APMAP: variants seen among roughly 807,000 people sequenced by gnomAD.
The protein encoded by APMAP is adipocyte plasma membrane associated protein.
A neutral mutation model predicts 43.6 loss-of-function variants in APMAP; 33 were observed. The observed-to-expected ratio is 0.76, with a 90% CI of 0.57 to 1.01. The LOEUF (loss-of-function observed/expected upper bound fraction) is 1.01, where lower values mean the gene tolerates loss of function less well. Among genes scored for constraint, APMAP ranks in the 50% least tolerant of loss-of-function variants. APMAP has a pLI of 0.00. For missense variants in APMAP, 498 were observed against 540.7 expected (o/e 0.92, Z 0.78); for synonymous variants, 224 against 216.7 (o/e 1.03, Z -0.30).
intron 3 of APMAP, among the ~76,000 whole-genome samples, chr20:24,976,790 C>T (rs1221660497): frequency 6.6e-6 from 1 of 152,226 alleles, no homozygotes; most frequent in African/African-American, 2.4e-5. Flanking sequence ...CCAAGATGTA[C>T]TTCAGTAGGT....
At chr20:24,971,409 G>C in intron 5 of APMAP, 51 bp downstream of exon 5, 13 of 1,494,370 alleles carry the variant, frequency 8.7e-6, no homozygotes, top group Non-Finnish European at 1.0e-5. Flanking sequence ...TACATATATT[G>C]TTTAAAAGAT....
In APMAP at chr20:24,966,887, G is replaced by T. The variant is rs981040794; in HGVS notation, c.1041+2005C>A. 3.3e-5 allele frequency among the ~76,000 whole-genome samples: 5 copies of T among 152,206 alleles called. No homozygotes were observed. In the South Asian group the frequency reaches 1.0e-3, roughly 31 times the overall value. On this transcript the variant is annotated intron_variant, in intron 8 of 8. Coordinates refer to ENST00000217456, the MANE Select transcript of APMAP (RefSeq NM_020531.3). ...GTGCCAAACACATGCTCAGGCATCT[G>T]CAGTGAGTGACAGGGCATTAGGCCA...
Position 24,963,668 on chromosome 20 carries a change from C to T in APMAP, c.*145G>A. The T allele has an allele frequency of 1.2e-6, 1 of 844,602 alleles. No homozygotes were observed. The allele number at this position is 844,602 out of a possible 1,614,324, so 52.3% of individuals were successfully genotyped here. On this transcript the variant is annotated 3_prime_UTR_variant, in exon 9 of 9. Coordinates refer to ENST00000217456, the MANE Select transcript of APMAP (RefSeq NM_020531.3). ...GCCCGGGCATCCTCGAGGAATGAAG[C>T]AGCCATTCCCACCACCTCTCAGGGA...
intron 8 of APMAP, among the ~76,000 whole-genome samples, chr20:24,966,810 C>T (rs1437134330): frequency 6.6e-6 from 1 of 152,136 alleles, no homozygotes; most frequent in African/African-American, 2.4e-5. Flanking sequence ...CGGACAGTCA[C>T]AGGGGAGCTG....
intron 8 of APMAP, 134 bp downstream of exon 8, chr20:24,968,758 A>G: frequency 1.2e-6 from 1 of 865,160 alleles, no homozygotes. Flanking sequence ...AGGATGAAGA[A>G]TGAAATGTGT....
At chr20:24,972,209 T>C (rs1261250314) in intron 4 of APMAP, among the ~76,000 whole-genome samples, 1 of 143,908 alleles carries the variant, frequency 6.9e-6, no homozygotes, top group African/African-American at 2.6e-5. Flanking sequence ...TGTGAGGTAC[T>C]CACTGCAGGT....
intron 1 of APMAP, among the ~76,000 whole-genome samples, chr20:24,989,893 G>A (rs1351537569): frequency 6.6e-6 from 1 of 152,134 alleles, no homozygotes; most frequent in African/African-American, 2.4e-5. Context: ...GAGGAAAAAG[G>A]AAAATGGACC....
At chr20:24,976,236 AG>A (rs1250955586) in intron 3 of APMAP, among the ~76,000 whole-genome samples, 1 of 152,244 alleles carries the variant, frequency 6.6e-6, no homozygotes, top group Non-Finnish European at 1.5e-5. Flanking sequence ...GCTCTACAGA[AG>A]ATACTGTCAA....
At chr20:24,986,183 T>C (rs866128190) in intron 1 of APMAP, among the ~76,000 whole-genome samples, 1 of 152,198 alleles carries the variant, frequency 6.6e-6, no homozygotes, top group Admixed American at 6.5e-5. Context: ...TCTGTGTCTA[T>C]TTTTCTTCTA....
chr20:24,975,364 C>A (rs2088042174), intron 3 of APMAP, among the ~76,000 whole-genome samples: 1 of 152,140 alleles, frequency 6.6e-6, no homozygotes, highest in Admixed American at 6.5e-5. Flanking sequence ...ATTGACTCAC[C>A]TTCCTTTATA....
chr20:24,966,619 A>T (rs535701368), intron 8 of APMAP, among the ~76,000 whole-genome samples: 2 of 152,340 alleles, frequency 1.3e-5, no homozygotes, highest in Admixed American at 6.5e-5. Flanking sequence ...GACACAGCTG[A>T]CCTGTACGCT....
Position 24,963,761 on chromosome 20 carries a change from C to A in APMAP, c.*52G>T, listed in dbSNP as rs112413522. ...AGCTCCTCCTGGACCAGGCCTGGTG[C>A]CTGAGTGTGAAGACTCCTGGCCTGC... is the stretch of plus-strand genomic sequence containing the variant. On this transcript the variant is annotated 3_prime_UTR_variant, in exon 9 of 9. Coordinates refer to ENST00000217456, the MANE Select transcript of APMAP (RefSeq NM_020531.3). The A allele has an allele frequency of 1.1e-3, 1,695 of 1,563,052 alleles. 20 individuals are homozygous for A. In the African/African-American group the frequency reaches 0.021, roughly 19 times the overall value.
intron 1 of APMAP, among the ~76,000 whole-genome samples, chr20:24,984,930 A>G (rs1251900857): frequency 9.2e-5 from 14 of 152,234 alleles, no homozygotes. Flanking sequence ...ATGAGTTCCT[A>G]AGGTAGAATT....
At chr20:24,978,695 C>A in intron 3 of APMAP, 72 bp downstream of exon 3, 1 of 1,220,136 alleles carries the variant, frequency 8.2e-7, no homozygotes, top group South Asian at 1.2e-5. Flanking sequence ...ACTGCAGCTG[C>A]TCCCACAGAA....
intron 2 of APMAP, among the ~76,000 whole-genome samples, chr20:24,979,831 C>A (rs2088085816): frequency 6.6e-6 from 1 of 152,104 alleles, no homozygotes; most frequent in Admixed American, 6.5e-5. Flanking sequence ...CTTCTGCATC[C>A]CTCACACCAG....
chr20:24,972,178 T>A (rs1305348347), intron 4 of APMAP, among the ~76,000 whole-genome samples: 1 of 145,872 alleles, frequency 6.9e-6, no homozygotes, highest in East Asian at 2.1e-4. Flanking sequence ...TCACTGCAGG[T>A]GCTTATTGCA....
intron 2 of APMAP, among the ~76,000 whole-genome samples, chr20:24,979,566 G>A (rs914122399): frequency 1.3e-5 from 2 of 152,120 alleles, no homozygotes; most frequent in Non-Finnish European, 2.9e-5. Flanking sequence ...AGGCCACTTT[G>A]AAAAGACACC....
At chr20:24,969,483 C>G (rs1210782137) in intron 7 of APMAP, 43 bp downstream of exon 7, 1 of 1,559,778 alleles carries the variant, frequency 6.4e-7, no homozygotes, top group African/African-American at 1.4e-5. Context: ...GGCCATGATG[C>G]GCTCTGGCCA....
chr20:24,992,721 C>G lies in APMAP; in HGVS notation c.-33G>C, dbSNP rs186672206. ...GCGCCAGCCTCACCCGCAGAAACCA[C>G]CTCACACTGAGCGGCGCCGGCTCAG... On this transcript the variant is annotated 5_prime_UTR_variant, in exon 1 of 9. Transcript: ENST00000217456. The G allele has an allele frequency of 6.9e-7, 1 of 1,454,072 alleles. No homozygotes were observed. The highest frequency in any genetic ancestry group is 1.4e-5 in the African/African-American group (1 of 69,650). 90.1% of individuals were successfully genotyped at this position (1,454,072 alleles called of 1,614,324 possible).
Sources: gnomAD v4.1 joint callset for allele counts (sites outside exome capture counted in the v4.1 genomes callset) on GRCh38, gnomAD v4.1.1 for gene constraint, MANE v1.5 for transcripts, NCBI Gene and HGNC (gene_info 2026-07-23, HGNC 2026-07-21) for gene names.